TRMT61B: variants seen among roughly 807,000 people sequenced by gnomAD.
TRMT61B encodes tRNA methyltransferase 61B.
In TRMT61B, 56 loss-of-function variants were observed where a neutral mutation model predicts 52.0. The observed-to-expected ratio is 1.08, with a 90% CI of 0.87 to 1.35. TRMT61B has a LOEUF of 1.35. Among genes scored for constraint, TRMT61B ranks in the 40% most tolerant of loss-of-function variants. The probability of loss-of-function intolerance (pLI) is 0.00; values close to 1 mark genes in which losing one functional copy is unlikely to be tolerated. For missense variants in TRMT61B, 650 were observed against 577.9 expected, an observed-to-expected ratio of 1.12 and a Z score of -1.28; for synonymous variants, 206 against 220.0, an observed-to-expected ratio of 0.94 and a Z score of 0.56.
intron 3 of TRMT61B, among the ~76,000 whole-genome samples, chr2:28,860,272 C>CAAAAAAAAAAAAAAAAAAAAAAA (rs540569211): frequency 4.1e-5 from 1 of 24,476 alleles, no homozygotes; most frequent in Non-Finnish European, 8.1e-5. Flanking sequence ...ACTCTGTTGC[C>CAAAAAAAAAAAAAAAAAAAAAAA]AAAAAAAAAA....
intron 3 of TRMT61B, among the ~76,000 whole-genome samples, chr2:28,859,374 C>T (rs1558344290): frequency 6.6e-6 from 1 of 152,180 alleles, no homozygotes; most frequent in Non-Finnish European, 1.5e-5. Context: ...AGCCACTGTG[C>T]CCTGCCAGAG....
At position 28,851,297 on chromosome 2, in the gene TRMT61B, T is replaced by G; in HGVS notation, c.1087A>C (p.Ile363Leu). 1 of 1,591,314 alleles carries G rather than the reference T, an allele frequency of 6.3e-7. No homozygotes were observed. The highest frequency in any genetic ancestry group is 8.5e-7 in the Non-Finnish European group (1 of 1,171,828). Reference sequence around the variant, plus strand: ...TCTAAAAGTTCAATAACCTGTGTGATGCTTTCAGAAAAGTGAAAAATTTAC... The same window carrying G: ...TCTAAAAGTTCAATAACCTGTGTGAGGCTTTCAGAAAAGTGAAAAATTTAC... ...GGVCAVYVVN[I>L]TQVIELLDGI... The change falls in exon 5 of 7, where the codon ATC becomes CTC. Residue 363 changes from isoleucine to leucine, a missense_variant and splice_region_variant. Transcript: ENST00000306108.
At position 28,869,951 on chromosome 2, in the gene TRMT61B, C is replaced by G. The variant is rs1235338100; in HGVS notation, c.327G>C (p.Gln109His). ...PRELEDSSGD[Q>H]GRCGPTHQGS... ...CCTGGTGTGTGGGACCGCACCGGCC[C>G]TGGTCTCCGCTCGAGTCCTCGAGCT... The change falls in exon 1 of 7, where the codon CAG becomes CAC. Residue 109 changes from glutamine (Q) to histidine (H), a missense_variant. By Grantham distance (24) the Gln-to-His change is conservative. Transcript: ENST00000306108. The G allele has an allele frequency of 6.2e-7, 1 of 1,613,896 alleles. No individual in the cohort carries two copies. The highest frequency in any genetic ancestry group is 1.7e-5 in the Admixed American group (1 of 60,018).
intron 1 of TRMT61B, among the ~76,000 whole-genome samples, chr2:28,867,287 G>T (rs1669890727): frequency 6.6e-6 from 1 of 151,832 alleles, no homozygotes; most frequent in Non-Finnish European, 1.5e-5. Flanking sequence ...TAGAGACAAG[G>T]TCTCCCTATG....
Position 28,867,086 on chromosome 2 carries a change from A to G in TRMT61B, c.700-1967T>C, listed in dbSNP as rs928946796. 4.6e-5 allele frequency among the ~76,000 whole-genome samples: 7 copies of G among 151,914 alleles called. No individual in the cohort carries two copies. The East Asian group carries it at 1.3e-3, about 29-fold the overall frequency. On this transcript the variant is annotated intron_variant, in intron 1 of 6. Coordinates refer to ENST00000306108, the MANE Select transcript of TRMT61B (RefSeq NM_017910.4). The stretch of plus-strand genomic sequence containing the variant: ...AGCACTGAGATTACAGGTGTGAGTG[A>G]CGGCACCTGCCCCCTCACTTTTTTT...
intron 3 of TRMT61B, among the ~76,000 whole-genome samples, chr2:28,854,298 G>A (rs957716155): frequency 6.6e-6 from 1 of 152,084 alleles, no homozygotes; most frequent in African/African-American, 2.4e-5. Context: ...GGTGGTGAGT[G>A]ACATGAAGAA....
chr2:28,858,794 C>CAA (rs1033258916), intron 3 of TRMT61B, among the ~76,000 whole-genome samples: 373 of 23,064 alleles, frequency 0.016, 6 homozygotes, highest in African/African-American at 0.02. Flanking sequence ...GACTCCGTCT[C>CAA]AAAAAAAAAA....
chr2:28,852,391 A>T lies in TRMT61B; in HGVS notation c.1085+17T>A. The T allele has an allele frequency of 6.9e-7, 1 of 1,448,174 alleles. No homozygotes were observed. 89.7% of individuals were successfully genotyped at this position (1,448,174 alleles called of 1,614,324 possible). The stretch of plus-strand genomic sequence containing the variant: ...CTTAAAAGTTACATTACAAAGAAAA[A>T]CAGTTATATTACTCACTTTACTACA... On this transcript the variant is annotated intron_variant, in intron 4 of 6. Transcript: ENST00000306108.
chr2:28,857,958 G>A (rs1669416963), intron 3 of TRMT61B, among the ~76,000 whole-genome samples: 1 of 151,814 alleles, frequency 6.6e-6, no homozygotes, highest in Non-Finnish European at 1.5e-5. Context: ...ATTTATTGAT[G>A]TAGCTAGAGT....
intron 3 of TRMT61B, among the ~76,000 whole-genome samples, chr2:28,856,793 C>A (rs188115405): frequency 1.0e-3 from 152 of 152,170 alleles, no homozygotes; most frequent in African/African-American, 3.5e-3. Flanking sequence ...CGCCACCACA[C>A]CCAACTAATT....
intron 1 of TRMT61B, among the ~76,000 whole-genome samples, chr2:28,868,569 C>G (rs1669947596): frequency 6.6e-6 from 1 of 152,154 alleles, no homozygotes; most frequent in Non-Finnish European, 1.5e-5. Flanking sequence ...TAAACAGTGC[C>G]TTGAGTATGG....
chr2:28,851,230 A>G lies in TRMT61B; in HGVS notation c.1154T>C (p.Ile385Thr). The change falls in exon 5 of 7, where the codon ATA becomes ACA. Residue 385 changes from isoleucine to threonine, a missense_variant. Ile to Thr is a moderately conservative substitution (Grantham distance 89). Transcript: ENST00000306108. The stretch of plus-strand genomic sequence containing the variant: ...CCAATCTCTGACAATGACCTCGCTT[A>G]TCTTTTCACATGAAAGAGCAAGTTC... ...TCELALSCEK[I>T]SEVIVRDWLV... 1 of 1,613,920 alleles carries G rather than the reference A, an allele frequency of 6.2e-7. No homozygotes were observed. The highest frequency in any genetic ancestry group is 8.5e-7 in the Non-Finnish European group (1 of 1,179,912).
intron 3 of TRMT61B, among the ~76,000 whole-genome samples, chr2:28,857,441 C>A (rs931032662): frequency 1.1e-4 from 17 of 151,958 alleles, no homozygotes; most frequent in Non-Finnish European, 2.2e-4. Context: ...ATATTTCACA[C>A]AGGAGATGAC....
intron 3 of TRMT61B, among the ~76,000 whole-genome samples, chr2:28,853,893 A>G (rs1669230665): frequency 1.3e-5 from 2 of 152,204 alleles, no homozygotes; most frequent in African/African-American, 4.8e-5. Flanking sequence ...TGCAGTATAC[A>G]TGGCTATAGT....
intron 3 of TRMT61B, among the ~76,000 whole-genome samples, chr2:28,858,110 G>A (rs950408286): frequency 6.8e-6 from 1 of 146,526 alleles, no homozygotes; most frequent in Non-Finnish European, 1.5e-5. Flanking sequence ...GCGCCATCTC[G>A]GCTCACTGCA....
chr2:28,869,588 T>A lies in TRMT61B; in HGVS notation c.690A>T (p.Thr230=). 1 of 1,610,064 alleles carries A rather than the reference T, an allele frequency of 6.2e-7. No homozygotes were observed. Among genetic ancestry groups the A allele is most frequent in the Non-Finnish European group, 8.5e-7 (1 of 1,177,008 alleles). The part of the protein sequence containing the change: ...VVLMKRGTAI[T]FPKDINMILS... ...ATCTCCATCGCATTACCTTTGGGAATGTTATGGCAGTCCCTCTTTTCATCA... is the reference window on the plus strand; with the variant it reads ...ATCTCCATCGCATTACCTTTGGGAAAGTTATGGCAGTCCCTCTTTTCATCA... The change falls in exon 1 of 7, where the codon ACA becomes ACT. Residue 230 remains threonine, a synonymous_variant. Coordinates refer to ENST00000306108, the MANE Select transcript of TRMT61B (RefSeq NM_017910.4).
intron 2 of TRMT61B, among the ~76,000 whole-genome samples, chr2:28,863,385 C>T (rs1177099609): frequency 6.8e-6 from 1 of 146,760 alleles, no homozygotes; most frequent in Admixed American, 7.0e-5. Flanking sequence ...GAGCCACGAT[C>T]ATACCACTGC....
intron 3 of TRMT61B, among the ~76,000 whole-genome samples, chr2:28,860,545 T>C (rs1201770598): frequency 6.6e-6 from 1 of 152,144 alleles, no homozygotes; most frequent in African/African-American, 2.4e-5. Context: ...TTGTCATCTA[T>C]CTTTTTACTT....
chr2:28,858,862 A>G (rs2148133535), intron 3 of TRMT61B, among the ~76,000 whole-genome samples: 1 of 151,518 alleles, frequency 6.6e-6, no homozygotes, highest in South Asian at 2.1e-4. Flanking sequence ...ACAGTATCAG[A>G]AATACACATC....
Sources: gnomAD v4.1 joint callset for allele counts (sites outside exome capture counted in the v4.1 genomes callset) on GRCh38, gnomAD v4.1.1 for gene constraint, MANE v1.5 for transcripts, NCBI Gene and HGNC (gene_info 2026-07-23, HGNC 2026-07-21) for gene names.